Variants in ADAMTS2 observed in about 807,000 individuals in gnomAD.
The protein encoded by ADAMTS2 is ADAM metallopeptidase with thrombospondin type 1 motif 2, also known as A disintegrin and metalloproteinase with thrombospondin motifs 2.
ADAMTS2 carries 50 observed loss-of-function variants against 123.0 expected under a neutral mutation model. The ratio of observed to expected loss-of-function variants is 0.41; its 90% CI spans 0.32 to 0.51. ADAMTS2 has a LOEUF of 0.51. Among genes scored for constraint, ADAMTS2 ranks in the 20% least tolerant of loss-of-function variants. The pLI is 0.35. For missense variants in ADAMTS2, 1,494 were observed against 1,705.2 expected, an observed-to-expected ratio of 0.88 and a Z score of 2.18; for synonymous variants, 678 against 695.4, an observed-to-expected ratio of 0.98 and a Z score of 0.39.
intron 5 of ADAMTS2, among the ~76,000 whole-genome samples, chr5:179,178,110 T>G (rs1763969205): frequency 6.6e-6 from 1 of 152,186 alleles, no homozygotes; most frequent in Non-Finnish European, 1.5e-5. Context: ...TATAACTCTG[T>G]CCATCTCTCA....
intron 12 of ADAMTS2, 144 bp downstream of exon 12, chr5:179,137,625 G>T: frequency 8.8e-7 from 1 of 1,139,974 alleles, no homozygotes; most frequent in Non-Finnish European, 1.2e-6. Flanking sequence ...GGCCAGGGCA[G>T]CCACACCAGC....
chr5:179,161,836 CAGTA>C (rs1763597978), intron 5 of ADAMTS2, among the ~76,000 whole-genome samples: 1 of 152,114 alleles, frequency 6.6e-6, no homozygotes, highest in Non-Finnish European at 1.5e-5. Flanking sequence ...TTAAAAATAA[CAGTA>C]AGAGCAAAAT....
At chr5:179,219,631 G>A (rs1765079531) in intron 3 of ADAMTS2, among the ~76,000 whole-genome samples, 1 of 152,224 alleles carries the variant, frequency 6.6e-6, no homozygotes, top group Non-Finnish European at 1.5e-5. Flanking sequence ...GAGGTGTGAG[G>A]CTGCTGAGGT....
intron 4 of ADAMTS2, among the ~76,000 whole-genome samples, chr5:179,187,123 G>A (rs1440584164): frequency 2.0e-5 from 3 of 152,014 alleles, no homozygotes; most frequent in Non-Finnish European, 4.4e-5. Flanking sequence ...GTTCAGGCCT[G>A]GAATCCTCAC....
chr5:179,228,893 C>T lies in ADAMTS2; in HGVS notation c.689-21178G>A, dbSNP rs1043673765. Among the ~76,000 whole-genome samples the T allele has an allele frequency of 1.3e-5, 2 of 152,170 alleles. No individual in the cohort carries two copies. Among genetic ancestry groups the T allele is most frequent in the African/African-American group, 2.4e-5 (1 of 41,446 alleles). On this transcript the variant is annotated intron_variant, in intron 3 of 21. Transcript: ENST00000251582. This position sits in a 1 kb window ranked among gnomAD's most constrained non-coding sequence, Gnocchi z 5.2. ...AGTCTGCACTGAAGTCTGTGGTGTG[C>T]GGTCACCTGAGAACAGCTCAGTCAG...
chr5:179,163,187 C>T (rs1407720050), intron 5 of ADAMTS2, among the ~76,000 whole-genome samples: 3 of 152,076 alleles, frequency 2.0e-5, no homozygotes, highest in African/African-American at 7.2e-5. Context: ...TGCTAGAAAC[C>T]CAAGCGCCTA....
At chr5:179,126,191 G>A in intron 17 of ADAMTS2, 61 bp from the exon 18 acceptor site, 1 of 1,606,982 alleles carries the variant, frequency 6.2e-7, no homozygotes, top group Non-Finnish European at 8.5e-7. Flanking sequence ...AGGGTGCAAG[G>A]AGGGGTGGGC....
intron 3 of ADAMTS2, among the ~76,000 whole-genome samples, chr5:179,217,797 G>GGGATGGGCACACTCACT (rs1385801683): frequency 3.7e-4 from 23 of 62,288 alleles, no homozygotes; most frequent in African/African-American, 1.2e-3. Flanking sequence ...ATGGCGCAAG[G>GGGATGGGCACACTCACT]GGGGGATGGG....
chr5:179,174,611 C>T (rs1307060308), intron 5 of ADAMTS2, among the ~76,000 whole-genome samples: 4 of 152,172 alleles, frequency 2.6e-5, no homozygotes, highest in Non-Finnish European at 5.9e-5. Flanking sequence ...CTGTGTTTAT[C>T]ACGGTAGGTT....
At position 179,242,063 on chromosome 5, in the gene ADAMTS2, G is replaced by A. The variant is rs80206642; in HGVS notation, c.688+30848C>T. Among the ~76,000 whole-genome samples the A allele has an allele frequency of 4.4e-3, 676 of 152,320 alleles. 9 individuals are homozygous for A. The highest frequency in any genetic ancestry group is 0.031 in the Middle Eastern group (9 of 294). On this transcript the variant is annotated intron_variant, in intron 3 of 21. Transcript: ENST00000251582. The surrounding 1 kb of genome is among the most constrained non-coding windows in gnomAD (Gnocchi z 4.2). Reference sequence around the variant, plus strand: ...TCCAGGGGGTGAACACATGACTGGAGTGAGACTAATCATGGGTCTTCCATG... The same window carrying A: ...TCCAGGGGGTGAACACATGACTGGAATGAGACTAATCATGGGTCTTCCATG...
chr5:179,300,352 T>C (rs1388245488), intron 2 of ADAMTS2, among the ~76,000 whole-genome samples: 1 of 152,234 alleles, frequency 6.6e-6, no homozygotes, highest in African/African-American at 2.4e-5. Flanking sequence ...TTAATACTTT[T>C]CTACATTATT....
At chr5:179,222,314 G>A (rs1210900066) in intron 3 of ADAMTS2, among the ~76,000 whole-genome samples, 3 of 152,218 alleles carry the variant, frequency 2.0e-5, no homozygotes, top group Admixed American at 6.5e-5. Context: ...ATTTCGAGAA[G>A]GGAGGAAATC....
intron 3 of ADAMTS2, among the ~76,000 whole-genome samples, chr5:179,265,223 C>G (rs1331467616): frequency 6.6e-6 from 1 of 152,216 alleles, no homozygotes; most frequent in Non-Finnish European, 1.5e-5. Flanking sequence ...TCCTCCGGGT[C>G]AGGCTTGTCA....
At chr5:179,146,825 T>C (rs983616648) in intron 10 of ADAMTS2, among the ~76,000 whole-genome samples, 4 of 152,228 alleles carry the variant, frequency 2.6e-5, no homozygotes, top group Non-Finnish European at 5.9e-5. Context: ...TTTTCTTTCC[T>C]TTCTAATAAA....
chr5:179,140,054 G>A lies in ADAMTS2; in HGVS notation c.1630-19C>T. The A allele has an allele frequency of 6.2e-7, 1 of 1,613,768 alleles. No homozygotes were observed. The highest frequency in any genetic ancestry group is 8.5e-7 in the Non-Finnish European group (1 of 1,179,890). On this transcript the variant is annotated intron_variant, in intron 10 of 21. Transcript: ENST00000251582. ...AACAATGCTGAAAGACAGGAAGCCA[G>A]TCCCTCCACTCACCCTCACACCGGG...
intron 2 of ADAMTS2, among the ~76,000 whole-genome samples, chr5:179,321,854 C>T (rs1757190315): frequency 6.6e-6 from 1 of 152,136 alleles, no homozygotes; most frequent in Non-Finnish European, 1.5e-5. Context: ...TCAGCCTCTC[C>T]CTCAGCCCCC....
chr5:179,247,211 C>T (rs1765821066), intron 3 of ADAMTS2, among the ~76,000 whole-genome samples: 1 of 151,996 alleles, frequency 6.6e-6, no homozygotes. Flanking sequence ...TAAAAAGGAA[C>T]CACAAACAAT....
intron 3 of ADAMTS2, among the ~76,000 whole-genome samples, chr5:179,254,860 A>C (rs1485740395): frequency 2.0e-5 from 3 of 152,160 alleles, no homozygotes; most frequent in Non-Finnish European, 4.4e-5. Context: ...CCCCAGCCAG[A>C]CTCTTCAGGG....
rs192740959 is a variant in ADAMTS2, at chr5:179,157,056, G to A, written c.1132+1667C>T. Among the ~76,000 whole-genome samples, 130 of 146,880 alleles carry A rather than the reference G, an allele frequency of 8.9e-4. 1 individual carries two copies. In the Middle Eastern group the frequency reaches 0.012, roughly 13 times the overall value. On this transcript the variant is annotated intron_variant, in intron 6 of 21. Transcript: ENST00000251582. Reference sequence around the variant, plus strand: ...TCGGCTCACTGCAACCTCTGCCTCCGGGGTTCTAGTGATTTTCCTGCCTCA... The same window carrying A: ...TCGGCTCACTGCAACCTCTGCCTCCAGGGTTCTAGTGATTTTCCTGCCTCA...
Sources: gnomAD v4.1 joint callset for allele counts (sites outside exome capture counted in the v4.1 genomes callset) on GRCh38, gnomAD v4.1.1 for gene constraint, Gnocchi (gnomAD v3.1) non-coding constraint, MANE v1.5 for transcripts, NCBI Gene and HGNC (gene_info 2026-07-23, HGNC 2026-07-21) for gene names.